Variants in APBB2 observed in about 807,000 individuals in gnomAD.
APBB2 encodes the protein amyloid beta precursor protein binding family B member 2, also known as Fe65-like 1.
APBB2 carries 38 observed loss-of-function variants against 82.5 expected under a neutral mutation model. The ratio of observed to expected loss-of-function variants is 0.46; its 90% CI spans 0.36 to 0.60. The LOEUF is 0.60. APBB2 is among the 20% of genes least tolerant of loss of function. The pLI is 0.00. For missense variants in APBB2, 772 were observed against 972.3 expected (o/e 0.79, Z 2.74); for synonymous variants, 341 against 368.2 (o/e 0.93, Z 0.85).
At chr4:40,893,202 G>A (rs1463128671) in intron 11 of APBB2, 63 bp downstream of exon 11, 1 of 1,582,086 alleles carries the variant, frequency 6.3e-7, no homozygotes, top group African/African-American at 1.3e-5. Flanking sequence ...CTGAGCTGTG[G>A]GGCTTCCTGA....
intron 4 of APBB2, among the ~76,000 whole-genome samples, chr4:41,040,985 A>T (rs1721181707): frequency 6.6e-6 from 1 of 151,972 alleles, no homozygotes; most frequent in Non-Finnish European, 1.5e-5. Context: ...AGTTCACGCC[A>T]TTCTCCTGCC....
intron 3 of APBB2, among the ~76,000 whole-genome samples, chr4:41,100,010 C>T (rs1744820033): frequency 6.6e-6 from 1 of 151,978 alleles, no homozygotes; most frequent in Non-Finnish European, 1.5e-5. Flanking sequence ...GAGAATAAAA[C>T]TGAATTTTCT....
chr4:40,964,296 C>T (rs1794039737), intron 6 of APBB2, among the ~76,000 whole-genome samples: 2 of 152,148 alleles, frequency 1.3e-5, no homozygotes, highest in South Asian at 4.1e-4. Flanking sequence ...AATACACCTA[C>T]AAGCATTGAA....
chr4:41,206,593 G>A (rs1018700785), intron 1 of APBB2, among the ~76,000 whole-genome samples: 6 of 152,178 alleles, frequency 3.9e-5, no homozygotes, highest in East Asian at 1.9e-4. Context: ...ATCTGAGTCT[G>A]AATCAATGCT....
intron 6 of APBB2, among the ~76,000 whole-genome samples, chr4:40,954,825 G>A (rs765186568): frequency 4.7e-4 from 72 of 152,158 alleles, no homozygotes; most frequent in Non-Finnish European, 8.2e-4. Flanking sequence ...CATCACACCC[G>A]GGTAATTTTT....
Position 40,911,343 on chromosome 4 carries a change from G to C in APBB2, c.1255-17932C>G, listed in dbSNP as rs1305072069. Among the ~76,000 whole-genome samples, 4 of 152,220 alleles carry C rather than the reference G, an allele frequency of 2.6e-5. No individual in the cohort carries two copies. In the East Asian group the frequency reaches 7.7e-4, roughly 29 times the overall value. ...GGGATGACTGTGCTTATGTTCTAAG[G>C]AATGTTGGGAGCACTAAATGGTATC... is the stretch of plus-strand genomic sequence containing the variant. On this transcript the variant is annotated intron_variant, in intron 10 of 17. Transcript: ENST00000508593.
At chr4:41,003,019 C>A (rs571026916) in intron 6 of APBB2, among the ~76,000 whole-genome samples, 32 of 152,264 alleles carry the variant, frequency 2.1e-4, no homozygotes, top group African/African-American at 7.7e-4. Context: ...AGGAATAAAG[C>A]CATTTCCATA....
In APBB2 at chr4:41,076,068, T is replaced by C. The variant is rs1040818262; in HGVS notation, c.-148-10395A>G. ...TAAGTGAGAGGCAGAGATAAGTTCATGAGAAGAGAGAATGGAAGAGGACAA... is the reference window on the plus strand; with the variant it reads ...TAAGTGAGAGGCAGAGATAAGTTCACGAGAAGAGAGAATGGAAGAGGACAA... On this transcript the variant is annotated intron_variant, in intron 3 of 17. Transcript: ENST00000508593. Among the ~76,000 whole-genome samples, 4 of 152,246 alleles carry C rather than the reference T, an allele frequency of 2.6e-5. No homozygotes were observed. The South Asian group carries it at 6.2e-4, about 24-fold the overall frequency.
intron 13 of APBB2, among the ~76,000 whole-genome samples, chr4:40,828,965 G>A (rs997303596): frequency 2.0e-5 from 3 of 152,164 alleles, no homozygotes; most frequent in African/African-American, 4.8e-5. Context: ...GGGTCTTGAC[G>A]GCTCAGGAAG....
At chr4:40,892,719 T>G (rs1772405946) in intron 11 of APBB2, 1 of 152,270 alleles carries the variant, frequency 6.6e-6, no homozygotes, top group African/African-American at 2.4e-5. Context: ...TTTCTGAAAT[T>G]ATCTCAACTA....
intron 3 of APBB2, among the ~76,000 whole-genome samples, chr4:41,073,265 A>T (rs1435990187): frequency 6.6e-6 from 1 of 152,204 alleles, no homozygotes; most frequent in African/African-American, 2.4e-5. Flanking sequence ...AAAACCTAGA[A>T]TGTAAAAATT....
rs1577668149 is a variant in APBB2 at position 40,820,436 on chromosome 4, G to A, written c.2112+1435C>T. 2.0e-5 allele frequency among the ~76,000 whole-genome samples: 3 copies of A among 152,200 alleles called. No homozygotes were observed. In the South Asian group the frequency reaches 6.2e-4, roughly 32 times the overall value. On this transcript the variant is annotated intron_variant, in intron 17 of 17. Transcript: ENST00000508593. ...TCCCAGCACTTGGGAGGCTGAGGCG[G>A]GTGGATTACCTGAGGTCAGGAGTTT...
At chr4:41,146,874 G>C (rs555669105) in intron 1 of APBB2, among the ~76,000 whole-genome samples, 2 of 152,314 alleles carry the variant, frequency 1.3e-5, no homozygotes, top group Admixed American at 6.5e-5. Flanking sequence ...ATAAAGCCGC[G>C]GCCCGGGCTG....
At chr4:41,141,301 AATATGTGTGTGTCTGTGT>A (rs1358221083) in intron 2 of APBB2, among the ~76,000 whole-genome samples, 1 of 143,296 alleles carries the variant, frequency 7.0e-6, no homozygotes, top group Non-Finnish European at 1.5e-5. Flanking sequence ...GCAGGTCAAA[AATATGTGTGTGTCTGTGT>A]GTGTGTGTGT....
chr4:40,970,972 A>G (rs953262667), intron 6 of APBB2, among the ~76,000 whole-genome samples: 9 of 152,194 alleles, frequency 5.9e-5, no homozygotes, highest in Admixed American at 3.3e-4. Context: ...TCCAATAACT[A>G]AACAGTCCCC....
At chr4:40,823,897 A>G (rs1748883252) in intron 15 of APBB2, 138 bp from the exon 16 acceptor site, 1 of 616,880 alleles carries the variant, frequency 1.6e-6, no homozygotes, top group East Asian at 2.8e-5. Context: ...ATGTTTGCTC[A>G]ACAGGAATGA....
chr4:41,066,318 G>C (rs893195179), intron 3 of APBB2, among the ~76,000 whole-genome samples: 1 of 152,078 alleles, frequency 6.6e-6, no homozygotes, highest in African/African-American at 2.4e-5. Context: ...AATTATTTTT[G>C]CCCATTTTTG....
intron 1 of APBB2, among the ~76,000 whole-genome samples, chr4:41,178,114 A>T (rs1259035156): frequency 6.6e-6 from 1 of 152,238 alleles, no homozygotes; most frequent in African/African-American, 2.4e-5. Flanking sequence ...TCACTAATAC[A>T]CCAAATGCAA....
At chr4:41,009,938 CACTA>C (rs1270507378) in intron 6 of APBB2, among the ~76,000 whole-genome samples, 11 of 152,108 alleles carry the variant, frequency 7.2e-5, no homozygotes, top group African/African-American at 2.4e-4. Context: ...TTATTTTAAA[CACTA>C]ACAGTATGTT....
Sources: gnomAD v4.1 joint callset for allele counts (sites outside exome capture counted in the v4.1 genomes callset) on GRCh38, gnomAD v4.1.1 for gene constraint, MANE v1.5 for transcripts, NCBI Gene and HGNC (gene_info 2026-07-23, HGNC 2026-07-21) for gene names.